POLGARF: variants seen among roughly 807,000 people sequenced by gnomAD.
The protein encoded by POLGARF is POLG alternative reading frame.
chr15:89,333,793 C>G, the POLGARF span: 2 of 1,534,502 alleles, frequency 1.3e-6, no homozygotes, highest in Non-Finnish European at 8.7e-7. Flanking sequence ...GTCAGAACAC[C>G]TGGCTTTGGG....
the POLGARF span, among the ~76,000 whole-genome samples, chr15:89,331,447 G>T: frequency 2.0e-5 from 3 of 152,228 alleles, no homozygotes; most frequent in Non-Finnish European, 4.4e-5. Flanking sequence ...CAGCTCTGCA[G>T]CTGTGCATGA....
At chr15:89,332,967 A>T in the POLGARF span, 1 of 1,263,778 alleles carries the variant, frequency 7.9e-7, no homozygotes, top group Non-Finnish European at 1.1e-6. Context: ...GTCTAGTCCT[A>T]ATTCAACACA....
At chr15:89,332,626 G>C in the POLGARF span, among the ~76,000 whole-genome samples, 1 of 150,252 alleles carries the variant, frequency 6.7e-6, no homozygotes, top group Admixed American at 6.6e-5. Context: ...GGGGGTGTTG[G>C]TCTGGCGTTT....
chr15:89,330,262 C>T, the POLGARF span: 1 of 1,611,488 alleles, frequency 6.2e-7, no homozygotes, highest in Non-Finnish European at 8.5e-7. Flanking sequence ...CAGCCGCTGG[C>T]TGCACCAGGA....
the POLGARF span, chr15:89,333,786 A>G: frequency 1.3e-6 from 2 of 1,534,628 alleles, no homozygotes; most frequent in Non-Finnish European, 1.7e-6. Context: ...GCTGGGAGTC[A>G]GAACACCTGG....
At chr15:89,332,219 TTATC>T in the POLGARF span, 1 of 152,250 alleles carries the variant, frequency 6.6e-6, no homozygotes. Context: ...AATGCCTACC[TTATC>T]TATTTAGCCA....
At chr15:89,331,770 A>ACCCACC in the POLGARF span, among the ~76,000 whole-genome samples, 1 of 151,704 alleles carries the variant, frequency 6.6e-6, no homozygotes, top group Non-Finnish European at 1.5e-5. Context: ...ACCATGTGGC[A>ACCCACC]CCCACCCCCA....
At chr15:89,331,458 A>G in the POLGARF span, among the ~76,000 whole-genome samples, 2 of 152,254 alleles carry the variant, frequency 1.3e-5, no homozygotes, top group Admixed American at 1.3e-4. Flanking sequence ...CTGTGCATGA[A>G]GCCATATTAT....
At chr15:89,333,747 C>G in the POLGARF span, 1 of 1,535,292 alleles carries the variant, frequency 6.5e-7, no homozygotes, top group Non-Finnish European at 8.7e-7. Flanking sequence ...CCAGAGCAGG[C>G]GGCTCATGGT....
At chr15:89,330,417 C>G in the POLGARF span, 4 of 723,290 alleles carry the variant, frequency 5.5e-6, no homozygotes, top group Admixed American at 6.0e-5. Context: ...GTGCTCCTAA[C>G]TCAAACAGCT....
the POLGARF span, among the ~76,000 whole-genome samples, chr15:89,332,899 G>A: frequency 6.6e-6 from 1 of 152,096 alleles, no homozygotes; most frequent in Non-Finnish European, 1.5e-5. Flanking sequence ...CATTTACTTG[G>A]GTATTTGCTT....
chr15:89,331,811 C>G, the POLGARF span, among the ~76,000 whole-genome samples: 4 of 151,898 alleles, frequency 2.6e-5, no homozygotes, highest in Non-Finnish European at 5.9e-5. Flanking sequence ...GAGGAAGGTC[C>G]CAGCATGAGC....
chr15:89,333,352 G>A, the POLGARF span: 9 of 1,570,590 alleles, frequency 5.7e-6, no homozygotes, highest in Non-Finnish European at 7.8e-6. Context: ...TGCTGGTCCA[G>A]GTTGTCCCCG....
chr15:89,333,368 GGGCGGCA>G, the POLGARF span: 2 of 1,576,910 alleles, frequency 1.3e-6, no homozygotes, highest in Non-Finnish European at 1.7e-6. Context: ...CCCCGTAGAG[GGGCGGCA>G]GGCGCAGCTC....
At chr15:89,333,494 G>T in the POLGARF span, 3 of 1,612,622 alleles carry the variant, frequency 1.9e-6, no homozygotes, top group Admixed American at 1.7e-5. Context: ...CTTGCCCGAA[G>T]ATTTGCTCGT....
the POLGARF span, among the ~76,000 whole-genome samples, chr15:89,332,941 T>C: frequency 6.6e-6 from 1 of 152,090 alleles, no homozygotes; most frequent in South Asian, 2.1e-4. Flanking sequence ...AGAAAGTGAG[T>C]CCCACATAAA....
the POLGARF span, chr15:89,333,502 C>G: frequency 6.2e-7 from 1 of 1,612,796 alleles, no homozygotes; most frequent in Non-Finnish European, 8.5e-7. Context: ...AAGATTTGCT[C>G]GTGCAGCCCT....
chr15:89,333,581 C>G, the POLGARF span: 2 of 1,608,488 alleles, frequency 1.2e-6, no homozygotes, highest in Admixed American at 3.3e-5. Context: ...GCACTTGCGG[C>G]TGCTGAGGCT....
the POLGARF span, among the ~76,000 whole-genome samples, chr15:89,330,658 C>A: frequency 6.6e-6 from 1 of 151,812 alleles, no homozygotes; most frequent in East Asian, 1.9e-4. Context: ...AGGCACAAAC[C>A]AGCTACTGTT....
Sources: allele counts gnomAD v4.1 joint callset (sites outside exome capture counted in the v4.1 genomes callset), GRCh38; gene constraint gnomAD v4.1.1; transcripts MANE v1.5; gene names NCBI Gene and HGNC (gene_info 2026-07-23, HGNC 2026-07-21).